Variants in OPCML observed in about 807,000 individuals in gnomAD.
OPCML encodes opioid-binding protein/cell adhesion molecule.
OPCML carries 13 observed loss-of-function variants against 37.8 expected under a neutral mutation model. That is an observed-to-expected ratio of 0.34 (90% CI 0.22 to 0.55). OPCML has a LOEUF of 0.55. Ranked by LOEUF, OPCML falls within the 20% of genes least tolerant of loss-of-function variation. The pLI, the probability that OPCML is intolerant of heterozygous loss-of-function variation, is 0.91. For missense variants in OPCML, 341 were observed against 435.6 expected (o/e 0.78, Z 1.93); for synonymous variants, 176 against 168.8 (o/e 1.04, Z -0.33).
chr11:132,893,579 C>T (rs1943732017), intron 2 of OPCML, among the ~76,000 whole-genome samples: 1 of 152,220 alleles, frequency 6.6e-6, no homozygotes, highest in Non-Finnish European at 1.5e-5. Flanking sequence ...CCATCAGGAG[C>T]TCTCTGAGAA....
rs202186169 is a variant in OPCML, at chr11:132,575,617, T to A, written c.380-46431A>T. ...ACATATATTTACTTATATTTATTTG[T>A]AATAATTTATCTTTTAAGTTTTATT... is the stretch of plus-strand genomic sequence containing the variant. On this transcript the variant is annotated intron_variant, in intron 3 of 7. Transcript: ENST00000524381. Among the ~76,000 whole-genome samples the A allele has an allele frequency of 2.0e-5, 3 of 152,146 alleles. No individual in the cohort carries two copies. In the East Asian group the frequency reaches 5.8e-4, roughly 29 times the overall value.
intron 1 of OPCML, among the ~76,000 whole-genome samples, chr11:133,166,164 A>G (rs1341658510): frequency 6.6e-6 from 1 of 152,210 alleles, no homozygotes; most frequent in African/African-American, 2.4e-5. Flanking sequence ...AAAAAATATA[A>G]AAACATTAAG....
At chr11:132,693,173 C>G (rs944221753) in intron 2 of OPCML, among the ~76,000 whole-genome samples, 1 of 152,122 alleles carries the variant, frequency 6.6e-6, no homozygotes, top group Non-Finnish European at 1.5e-5. Flanking sequence ...ATGCACAGTA[C>G]AAGAGCAAAT....
intron 1 of OPCML, among the ~76,000 whole-genome samples, chr11:133,002,444 A>G (rs1173443003): frequency 2.0e-5 from 3 of 152,188 alleles, no homozygotes; most frequent in African/African-American, 7.2e-5. Flanking sequence ...ATCCTGTCTC[A>G]CCGCTTACAT....
intron 2 of OPCML, among the ~76,000 whole-genome samples, chr11:132,861,163 G>A (rs184003136): frequency 6.6e-6 from 1 of 152,278 alleles, no homozygotes; most frequent in East Asian, 1.9e-4. Context: ...CTTTATTTAA[G>A]TTAAATGTAG....
chr11:132,500,913 C>T (rs1052162853), intron 4 of OPCML, among the ~76,000 whole-genome samples: 14 of 152,154 alleles, frequency 9.2e-5, no homozygotes, highest in Non-Finnish European at 1.3e-4. Context: ...CATAGTATTC[C>T]GTGGTGTATA....
In OPCML at chr11:132,479,444, G is replaced by C. The variant is rs929229644; in HGVS notation, c.506-42085C>G. Among the ~76,000 whole-genome samples the C allele has an allele frequency of 8.5e-5, 13 of 152,214 alleles. No homozygotes were observed. The East Asian group carries it at 1.2e-3, about 14-fold the overall frequency. ...AAACTGCAAGGCAGCAGCGAGGCTG[G>C]GGAAGGGGCGCCCACCATTGCCCAG... On this transcript the variant is annotated intron_variant, in intron 4 of 7. Coordinates refer to ENST00000524381, the MANE Select transcript of OPCML (RefSeq NM_001012393.5).
intron 1 of OPCML, chr11:133,025,508 C>G: frequency 1.0e-6 from 1 of 982,680 alleles, no homozygotes; most frequent in Non-Finnish European, 1.2e-6. Flanking sequence ...CTCTCAGGAA[C>G]ACTGGATTCT....
intron 4 of OPCML, among the ~76,000 whole-genome samples, chr11:132,483,573 G>T (rs1465214038): frequency 7.2e-5 from 11 of 152,072 alleles, no homozygotes; most frequent in Non-Finnish European, 7.4e-5. Flanking sequence ...CTACTTTAAA[G>T]TTCATATGGA....
In OPCML at chr11:133,280,732, G is replaced by T. The variant is rs148201936; in HGVS notation, c.61+251532C>A. Among the ~76,000 whole-genome samples, 3 of 152,186 alleles carry T rather than the reference G, an allele frequency of 2.0e-5. No individual in the cohort carries two copies. The East Asian group carries it at 5.8e-4, about 29-fold the overall frequency. ...ATTGTTGGTAGAAGCTGGTACCCTG[G>T]TTGCATAAAAACAATGAGGCCTCTT... On this transcript the variant is annotated intron_variant, in intron 1 of 7. Coordinates refer to ENST00000524381, the MANE Select transcript of OPCML (RefSeq NM_001012393.5).
intron 3 of OPCML, among the ~76,000 whole-genome samples, chr11:132,545,482 T>C (rs894617476): frequency 6.6e-6 from 1 of 152,240 alleles, no homozygotes; most frequent in Non-Finnish European, 1.5e-5. Context: ...TATCTTGTTT[T>C]CAAATTATTT....
chr11:132,520,659 T>C (rs10894572), intron 4 of OPCML, among the ~76,000 whole-genome samples: 39,976 of 147,976 alleles, frequency 0.27, 5,346 homozygotes, highest in Middle Eastern at 0.39. Context: ...TGTCATCTTA[T>C]GTAACTAAAT....
At chr11:133,375,006 C>T (rs1287237208) in intron 1 of OPCML, among the ~76,000 whole-genome samples, 1 of 152,158 alleles carries the variant, frequency 6.6e-6, no homozygotes, top group African/African-American at 2.4e-5. Flanking sequence ...AATGATTTTT[C>T]AGGAAGAAAT....
chr11:132,748,865 C>A (rs1345272978), intron 2 of OPCML, among the ~76,000 whole-genome samples: 1 of 152,060 alleles, frequency 6.6e-6, no homozygotes, highest in Non-Finnish European at 1.5e-5. Context: ...TTCCACAGGG[C>A]GGCTGAGGTG....
intron 1 of OPCML, among the ~76,000 whole-genome samples, chr11:133,043,089 G>A (rs898396587): frequency 1.3e-5 from 2 of 152,076 alleles, no homozygotes; most frequent in Non-Finnish European, 2.9e-5. Context: ...TTGGACCCCT[G>A]GGCAGCCAGG....
At chr11:132,809,474 G>C (rs1939203140) in intron 2 of OPCML, among the ~76,000 whole-genome samples, 1 of 152,098 alleles carries the variant, frequency 6.6e-6, no homozygotes, top group Non-Finnish European at 1.5e-5. Flanking sequence ...TTTTATTTAA[G>C]TTCATGTGGG....
intron 2 of OPCML, among the ~76,000 whole-genome samples, chr11:132,744,937 G>T (rs1245542173): frequency 3.3e-5 from 5 of 151,926 alleles, no homozygotes. Context: ...GGCAGAGCAG[G>T]CAGCTCATCA....
chr11:133,034,921 T>A (rs768540386), intron 1 of OPCML, among the ~76,000 whole-genome samples: 3 of 152,010 alleles, frequency 2.0e-5, no homozygotes, highest in Non-Finnish European at 4.4e-5. Flanking sequence ...GGCAGAGACA[T>A]GTTCTCAATC....
chr11:132,917,844 T>A (rs975757763), intron 2 of OPCML, among the ~76,000 whole-genome samples: 4 of 152,152 alleles, frequency 2.6e-5, no homozygotes, highest in Non-Finnish European at 4.4e-5. Flanking sequence ...CCTACTTGGA[T>A]CATTTCAAAC....
Sources: gnomAD v4.1 joint callset for allele counts (sites outside exome capture counted in the v4.1 genomes callset) on GRCh38, gnomAD v4.1.1 for gene constraint, MANE v1.5 for transcripts, NCBI Gene and HGNC (gene_info 2026-07-23, HGNC 2026-07-21) for gene names.